Variants in EQTN observed in about 807,000 individuals in gnomAD.
The protein encoded by EQTN is equatorin, also known as Acrosome formation associated factor.
Under a neutral mutation model 26.9 loss-of-function variants are expected in EQTN, and 29 were observed. That is an observed-to-expected ratio of 1.08 (90% confidence interval 0.80 to 1.47). The LOEUF is 1.47. Among genes scored for constraint, EQTN ranks in the 40% most tolerant of loss-of-function variants. The pLI is 0.00. For missense variants in EQTN, 391 were observed against 346.1 expected (o/e 1.13, Z -1.03); for synonymous variants, 129 against 120.0 (o/e 1.07, Z -0.49).
Position 27,297,059 on chromosome 9 carries a change from G to A in EQTN, c.-4C>T. 1 of 1,595,022 alleles carries A rather than the reference G, an allele frequency of 6.3e-7. No individual in the cohort carries two copies. Among genetic ancestry groups the A allele is most frequent in the Non-Finnish European group, 8.6e-7 (1 of 1,165,708 alleles). On this transcript the variant is annotated 5_prime_UTR_variant, in exon 1 of 8. Transcript: ENST00000380032. ...AAATAAACAATATAAAATTCATTGG[G>A]AAATTGAAGTGATTTATCCAGTAAT... is the stretch of plus-strand genomic sequence containing the variant.
At chr9:27,285,084 G>A (rs1820091066) in intron 7 of EQTN, 112 bp from the exon 8 acceptor site, 1 of 500,010 alleles carries the variant, frequency 2.0e-6, no homozygotes, top group Non-Finnish European at 3.2e-6. Context: ...CAAAGTGTTA[G>A]TTACTTAGTA....
At chr9:27,287,064 T>G (rs1171799230) in intron 6 of EQTN, among the ~76,000 whole-genome samples, 1 of 152,160 alleles carries the variant, frequency 6.6e-6, no homozygotes. Flanking sequence ...ACTGCCAAAT[T>G]TTACATTTTC....
chr9:27,294,523 T>C (rs185359098), intron 2 of EQTN, 121 bp from the exon 3 acceptor site: 4 of 455,552 alleles, frequency 8.8e-6, no homozygotes, highest in Admixed American at 4.1e-5. Context: ...AAAAAAGTTA[T>C]AGTCATTTTT....
At chr9:27,290,202 A>G (rs61015152) in intron 5 of EQTN, among the ~76,000 whole-genome samples, 6,290 of 152,260 alleles carry the variant, frequency 0.041, 458 homozygotes, top group African/African-American at 0.14. Flanking sequence ...CAGCAAAATC[A>G]TCAACAAAAA....
chr9:27,289,810 A>C, intron 5 of EQTN, 79 bp from the exon 6 acceptor site: 1 of 1,134,438 alleles, frequency 8.8e-7, no homozygotes, highest in Non-Finnish European at 1.3e-6. Flanking sequence ...TGTATGTATA[A>C]TTATAGTACC....
Position 27,288,238 on chromosome 9 carries a change from T to A in EQTN, c.481+1434A>T, listed in dbSNP as rs140709304. On this transcript the variant is annotated intron_variant, in intron 6 of 7. Coordinates refer to ENST00000380032, the MANE Select transcript of EQTN (RefSeq NM_020641.3). ...GGACAGAGGTTTTTTTTGGGGAAATTAATGTGGTTCTTTCATGAAATTTTC... is the reference window on the plus strand; with the variant it reads ...GGACAGAGGTTTTTTTTGGGGAAATAAATGTGGTTCTTTCATGAAATTTTC... Among the ~76,000 whole-genome samples the A allele has an allele frequency of 1.7e-3, 255 of 152,272 alleles. 3 individuals are homozygous for A. The highest frequency in any genetic ancestry group is 6.0e-3 in the African/African-American group (248 of 41,556).
At chr9:27,294,983 G>C (rs955233154) in intron 2 of EQTN, among the ~76,000 whole-genome samples, 1 of 152,164 alleles carries the variant, frequency 6.6e-6, no homozygotes, top group Non-Finnish European at 1.5e-5. Flanking sequence ...CGGCAGACTG[G>C]ACATGCACAT....
chr9:27,285,133 C>CTTTTTTTT (rs201723057), intron 7 of EQTN, among the ~76,000 whole-genome samples, 161 bp from the exon 8 acceptor site: 3 of 77,082 alleles, frequency 3.9e-5, no homozygotes, highest in African/African-American at 5.7e-5. Context: ...TTTTCTTTTC[C>CTTTTTTTT]TTTTTTTTTT....
chr9:27,292,355 A>T (rs376999420), intron 4 of EQTN, 46 bp downstream of exon 4: 2 of 1,314,596 alleles, frequency 1.5e-6, no homozygotes, highest in Admixed American at 2.0e-5. Context: ...TTTAAGTCAC[A>T]TAATGATATT....
At chr9:27,286,076 TA>T in intron 7 of EQTN, 132 bp downstream of exon 7, 1 of 914,820 alleles carries the variant, frequency 1.1e-6, no homozygotes, top group South Asian at 1.7e-5. Flanking sequence ...CCGAATAGGG[TA>T]AATGGAATCA....
chr9:27,285,096 CAT>C, intron 7 of EQTN, 124 bp from the exon 8 acceptor site: 7 of 326,520 alleles, frequency 2.1e-5, no homozygotes, highest in Non-Finnish European at 3.4e-5. Context: ...TACTTAGTAA[CAT>C]TATGTGAATG....
At chr9:27,292,355 A>G (rs376999420) in intron 4 of EQTN, 46 bp downstream of exon 4, 14 of 1,314,486 alleles carry the variant, frequency 1.1e-5, no homozygotes, top group East Asian at 2.4e-5. Context: ...TTTAAGTCAC[A>G]TAATGATATT....
At chr9:27,292,370 A>G in intron 4 of EQTN, 31 bp downstream of exon 4, 1 of 1,385,492 alleles carries the variant, frequency 7.2e-7, no homozygotes, top group Non-Finnish European at 1.0e-6. Flanking sequence ...GATATTCTCC[A>G]GGTATGAATA....
chr9:27,290,515 T>C (rs766432072), intron 5 of EQTN, among the ~76,000 whole-genome samples: 4 of 152,246 alleles, frequency 2.6e-5, no homozygotes, highest in Non-Finnish European at 5.9e-5. Flanking sequence ...ATACAATGCA[T>C]ATATTTCTGT....
chr9:27,293,089 T>A (rs1038603494), intron 3 of EQTN, among the ~76,000 whole-genome samples: 2 of 152,152 alleles, frequency 1.3e-5, no homozygotes, highest in Non-Finnish European at 2.9e-5. Context: ...GCCATTTCAA[T>A]TAACTGCTTA....
intron 6 of EQTN, among the ~76,000 whole-genome samples, chr9:27,289,113 T>C (rs563306569): frequency 6.6e-6 from 1 of 152,332 alleles, no homozygotes; most frequent in South Asian, 2.1e-4. Flanking sequence ...ATGGAAATTC[T>C]GTACGTTCTG....
chr9:27,291,661 C>T (rs762603446), intron 4 of EQTN, among the ~76,000 whole-genome samples: 6 of 152,020 alleles, frequency 3.9e-5, no homozygotes, highest in East Asian at 1.9e-4. Flanking sequence ...TTACTAAAGA[C>T]GTTTAAGAAG....
chr9:27,288,913 T>C (rs982713910), intron 6 of EQTN, among the ~76,000 whole-genome samples: 2 of 152,154 alleles, frequency 1.3e-5, no homozygotes, highest in African/African-American at 4.8e-5. Context: ...AGTGAAACTT[T>C]CGTATGATAC....
At chr9:27,295,405 T>C (rs1403006359) in intron 2 of EQTN, among the ~76,000 whole-genome samples, 2 of 152,224 alleles carry the variant, frequency 1.3e-5, no homozygotes, top group African/African-American at 4.8e-5. Context: ...TCTTAGAGTT[T>C]GGTTAATTAA....
Sources: gnomAD v4.1 joint callset for allele counts (sites outside exome capture counted in the v4.1 genomes callset) on GRCh38, gnomAD v4.1.1 for gene constraint, MANE v1.5 for transcripts, NCBI Gene and HGNC (gene_info 2026-07-23, HGNC 2026-07-21) for gene names.